The following ANKRD26 variants were observed in gnomAD, a reference collection of about 807,000 sequenced individuals.
The protein encoded by ANKRD26 is ankyrin repeat domain-containing protein 26.
Under a neutral mutation model 208.7 loss-of-function variants are expected in ANKRD26, and 141 were observed. That is an observed-to-expected ratio of 0.68 (90% confidence interval 0.59 to 0.78). The LOEUF is 0.78. ANKRD26 is among the 30% of genes least tolerant of loss of function. ANKRD26 has a pLI of 0.00. For synonymous variants in ANKRD26, 636 were observed against 660.4 expected (o/e 0.96, Z 0.57); for missense variants, 1,889 against 1,938.7 (o/e 0.97, Z 0.48).
chr10:27,040,707 A>G lies in ANKRD26; in HGVS notation c.2162-529T>C, dbSNP rs531511390. Among the ~76,000 whole-genome samples, 4 of 152,264 alleles carry G rather than the reference A, an allele frequency of 2.6e-5. No homozygotes were observed. The South Asian group carries it at 8.3e-4, about 32-fold the overall frequency. On this transcript the variant is annotated intron_variant, in intron 20 of 33. Coordinates refer to ENST00000376087, the MANE Select transcript of ANKRD26 (RefSeq NM_014915.3). ...AGTTTCAAGAGAGTGGACTCAGGCA[A>G]TGAACACAAGGATCCCTGACAGACA... is the stretch of plus-strand genomic sequence containing the variant.
downstream of ANKRD26, among the ~76,000 whole-genome samples, chr10:27,000,745 T>C (rs2052703693): frequency 6.6e-6 from 1 of 152,196 alleles, no homozygotes; most frequent in Non-Finnish European, 1.5e-5. Context: ...GGCTCACACC[T>C]GTAATCCCAG....
rs185788145 is a variant in ANKRD26 at position 27,092,437 on chromosome 10, C to T, written c.607G>A (p.Ala203Thr). The change falls in exon 4 of 34, where the codon GCA becomes ACA. Residue 203 changes from alanine to threonine, a missense_variant. Transcript: ENST00000376087. Reference protein sequence around the residue: ...QMVEFLIKKKANVNAVDKLES... With the variant: ...QMVEFLIKKKTNVNAVDKLES... ...AACTTATCTACTGCATTTACATTTGCTTTTTTCTTTATTAAAAATTCCACC... is the reference window on the plus strand; with the variant it reads ...AACTTATCTACTGCATTTACATTTGTTTTTTTCTTTATTAAAAATTCCACC... 3 of 1,612,964 alleles carry T rather than the reference C, an allele frequency of 1.9e-6. No homozygotes were observed. Among genetic ancestry groups the T allele is most frequent in the East Asian group, 2.2e-5 (1 of 44,832 alleles).
the ANKRD26 span, among the ~76,000 whole-genome samples, chr10:26,957,521 G>T: frequency 6.6e-6 from 1 of 152,232 alleles, no homozygotes. Flanking sequence ...TATATGGGCT[G>T]CAGAAATCAG....
exon 6 of ANKRD26, among the ~76,000 whole-genome samples, chr10:26,975,995 A>G (rs2052221669): frequency 6.6e-6 from 1 of 152,114 alleles, no homozygotes; most frequent in South Asian, 2.1e-4. Flanking sequence ...TATTCCCCCA[A>G]TTGCAACCTC....
chr10:26,954,024 A>C, the ANKRD26 span, among the ~76,000 whole-genome samples: 3 of 152,230 alleles, frequency 2.0e-5, no homozygotes, highest in South Asian at 2.1e-4. Context: ...CAAAACAAGA[A>C]AATACACTGT....
chr10:26,958,485 C>A, the ANKRD26 span, among the ~76,000 whole-genome samples: 4 of 152,142 alleles, frequency 2.6e-5, no homozygotes, highest in South Asian at 4.1e-4. Flanking sequence ...GTTGTTCCCC[C>A]CAGTGTGCCC....
intron 4 of ANKRD26, among the ~76,000 whole-genome samples, chr10:26,996,779 T>C (rs148189932): frequency 1.3e-5 from 2 of 152,326 alleles, no homozygotes; most frequent in African/African-American, 4.8e-5. Context: ...TGGGAGAGGA[T>C]GGCCTTAACC....
intron 5 of ANKRD26, among the ~76,000 whole-genome samples, chr10:26,994,112 C>T (rs2052537533): frequency 6.6e-6 from 1 of 152,114 alleles, no homozygotes; most frequent in Non-Finnish European, 1.5e-5. Flanking sequence ...CAGGTCTGGG[C>T]TGGTGTCTTG....
exon 6 of ANKRD26, among the ~76,000 whole-genome samples, chr10:26,975,646 A>C (rs2052215662): frequency 6.6e-6 from 1 of 151,898 alleles, no homozygotes; most frequent in East Asian, 1.9e-4. Context: ...GTTCGAGACC[A>C]GCCTGGCCAA....
chr10:27,096,511 C>T (rs1237665375), intron 1 of ANKRD26, among the ~76,000 whole-genome samples: 1 of 152,254 alleles, frequency 6.6e-6, no homozygotes, highest in East Asian at 1.9e-4. Context: ...TGCCTGTAAT[C>T]CCAGCACTTT....
intron 27 of ANKRD26, among the ~76,000 whole-genome samples, chr10:27,028,332 C>T (rs1218762938): frequency 6.6e-6 from 1 of 152,036 alleles, no homozygotes; most frequent in Middle Eastern, 3.2e-3. Context: ...CACTGTGGCT[C>T]ATACCTGTAA....
intron 12 of ANKRD26, chr10:27,061,833 G>T (rs775314117): frequency 4.0e-6 from 3 of 752,746 alleles, no homozygotes; most frequent in Non-Finnish European, 4.9e-6. Context: ...CCAAAGTGCT[G>T]AGTGACAGGC....
intron 4 of ANKRD26, among the ~76,000 whole-genome samples, chr10:27,089,715 C>A (rs1180187485): frequency 1.3e-5 from 2 of 152,198 alleles, no homozygotes; most frequent in Non-Finnish European, 2.9e-5. Flanking sequence ...TCTCCTTAGC[C>A]CACGGCTTGA....
At chr10:26,972,070 C>A (rs1402379061), downstream of ANKRD26, among the ~76,000 whole-genome samples, 1 of 151,910 alleles carries the variant, frequency 6.6e-6, no homozygotes, top group East Asian at 1.9e-4. Flanking sequence ...CCCGTCTCTA[C>A]TAAAAATACA....
chr10:27,091,713 C>T (rs868646186), intron 4 of ANKRD26, among the ~76,000 whole-genome samples: 1 of 152,098 alleles, frequency 6.6e-6, no homozygotes, highest in African/African-American at 2.4e-5. Context: ...AGTGGCCGGG[C>T]GCAGTGGCTT....
intron 9 of ANKRD26, among the ~76,000 whole-genome samples, chr10:27,069,136 G>A (rs1175771456): frequency 2.1e-5 from 3 of 143,194 alleles, no homozygotes; most frequent in Non-Finnish European, 3.0e-5. Flanking sequence ...CAGAGCTTGC[G>A]GTGAACAGAG....
chr10:27,073,454 A>T (rs916818754), intron 9 of ANKRD26, among the ~76,000 whole-genome samples: 1 of 152,152 alleles, frequency 6.6e-6, no homozygotes, highest in Non-Finnish European at 1.5e-5. Context: ...CTGAAGATTA[A>T]AAAAGGTGCC....
At chr10:27,080,434 G>T (rs2055865511) in intron 6 of ANKRD26, among the ~76,000 whole-genome samples, 1 of 152,112 alleles carries the variant, frequency 6.6e-6, no homozygotes, top group African/African-American at 2.4e-5. Context: ...CTGTTATTGG[G>T]ACTACTCACC....
At chr10:27,040,253 C>G in intron 20 of ANKRD26, 75 bp from the exon 21 acceptor site, 1 of 1,049,406 alleles carries the variant, frequency 9.5e-7, no homozygotes, top group Non-Finnish European at 1.4e-6. Context: ...ATAACATTCA[C>G]TCATTAAGAC....
Sources: gnomAD v4.1 joint callset for allele counts (sites outside exome capture counted in the v4.1 genomes callset) on GRCh38, gnomAD v4.1.1 for gene constraint, MANE v1.5 for transcripts, NCBI Gene and HGNC (gene_info 2026-07-23, HGNC 2026-07-21) for gene names.